The following WARS2 variants were observed in gnomAD, a reference collection of about 807,000 sequenced individuals.
The protein encoded by WARS2 is tryptophanyl tRNA synthetase 2, mitochondrial.
WARS2 carries 28 observed loss-of-function variants against 36.5 expected under a neutral mutation model. The observed-to-expected ratio is 0.77, with a 90% CI of 0.57 to 1.05. The LOEUF is 1.05. Ranked by LOEUF, WARS2 falls within the 50% of genes least tolerant of loss-of-function variation. WARS2 has a pLI of 0.00. For missense variants in WARS2, 435 were observed against 456.8 expected, an observed-to-expected ratio of 0.95 and a Z score of 0.44; for synonymous variants, 174 against 178.4, an observed-to-expected ratio of 0.98 and a Z score of 0.20.
intron 1 of WARS2, among the ~76,000 whole-genome samples, chr1:119,127,831 T>C (rs1031268758): frequency 3.9e-5 from 6 of 152,184 alleles, no homozygotes; most frequent in African/African-American, 1.4e-4. Context: ...CTTGCTCTAA[T>C]GGTCATGTTC....
At chr1:119,100,520 G>T (rs191678444) in intron 1 of WARS2, among the ~76,000 whole-genome samples, 1 of 152,214 alleles carries the variant, frequency 6.6e-6, no homozygotes, top group Non-Finnish European at 1.5e-5. Context: ...ATTCACAATA[G>T]CAAAGCTATG....
intron 1 of WARS2, among the ~76,000 whole-genome samples, chr1:119,138,569 G>A (rs938410438): frequency 6.6e-6 from 1 of 152,072 alleles, no homozygotes; most frequent in Non-Finnish European, 1.5e-5. Flanking sequence ...AGTTAAAAAT[G>A]TTTGTTCCCT....
At chr1:119,109,991 A>G (rs1361850911) in intron 1 of WARS2, among the ~76,000 whole-genome samples, 2 of 151,954 alleles carry the variant, frequency 1.3e-5, no homozygotes, top group African/African-American at 4.8e-5. Context: ...ACTGCTTCAC[A>G]GGGGGTACAA....
chr1:119,096,063 A>G (rs1188721638), intron 1 of WARS2, among the ~76,000 whole-genome samples: 1 of 152,182 alleles, frequency 6.6e-6, no homozygotes, highest in African/African-American at 2.4e-5. Flanking sequence ...TAAAATAACT[A>G]CACTCCTAGT....
chr1:119,138,223 C>G (rs1451704389), intron 1 of WARS2, among the ~76,000 whole-genome samples: 1 of 152,122 alleles, frequency 6.6e-6, no homozygotes, highest in Non-Finnish European at 1.5e-5. Context: ...TCACATATTT[C>G]TGCATCTGTT....
chr1:119,035,472 A>T (rs1353594766), intron 4 of WARS2, among the ~76,000 whole-genome samples: 1 of 152,214 alleles, frequency 6.6e-6, no homozygotes, highest in African/African-American at 2.4e-5. Context: ...AATTGATAGT[A>T]AGAGCTCAAT....
In WARS2 at chr1:119,076,593, C is replaced by T; in HGVS notation, c.105G>A (p.Lys35=). 1 of 1,614,122 alleles carries T rather than the reference C, an allele frequency of 6.2e-7. No homozygotes were observed. Among genetic ancestry groups the T allele is most frequent in the East Asian group, 2.2e-5 (1 of 44,886 alleles). ...AAPALQKDSK[K]RVFSGIQPTG... ...TAGGTTGAATGCCGGAAAATACTCG[C>T]TTCTTGCTGTCTTTCTGGAACAAAG... is the stretch of plus-strand genomic sequence containing the variant. The change falls in exon 2 of 6, where the codon AAG becomes AAA. Residue 35 remains lysine (K), a synonymous_variant. Coordinates refer to ENST00000235521, the MANE Select transcript of WARS2 (RefSeq NM_015836.4).
Position 119,032,968 on chromosome 1 carries a change from G to A in WARS2, c.1026C>T (p.Ala342=). 6.2e-7 allele frequency: 1 copy of A among 1,614,214 alleles called. No individual in the cohort carries two copies. Among genetic ancestry groups the A allele is most frequent in the East Asian group, 2.2e-5 (1 of 44,890 alleles). ...GGCACACAGTGTATGCTAATTCTTTGGCTTTTGCTGATCCAATTTGTAAAA... is the reference window on the plus strand; with the variant it reads ...GGCACACAGTGTATGCTAATTCTTTAGCTTTTGCTGATCCAATTTGTAAAA... The part of the protein sequence containing the change: ...EKVLQIGSAK[A]KELAYTVCQE... Residue 342 remains alanine, a synonymous_variant, in exon 6 of 6, where the codon GCC becomes GCT. Transcript: ENST00000235521.
chr1:119,076,261 A>G (rs1174543284), intron 2 of WARS2, 89 bp downstream of exon 2: 2 of 1,492,510 alleles, frequency 1.3e-6, no homozygotes, highest in African/African-American at 2.8e-5. Context: ...TTTAAAAATC[A>G]CGAGCAGGGG....
At chr1:119,134,205 A>G (rs1656311359) in intron 1 of WARS2, among the ~76,000 whole-genome samples, 1 of 150,550 alleles carries the variant, frequency 6.6e-6, no homozygotes, top group African/African-American at 2.4e-5. Flanking sequence ...ACATTCTTGC[A>G]TGCTGTTTGG....
chr1:119,077,334 C>G (rs1346497514), intron 1 of WARS2, among the ~76,000 whole-genome samples: 1 of 152,044 alleles, frequency 6.6e-6, no homozygotes, highest in African/African-American at 2.4e-5. Context: ...AACGAGGAAG[C>G]CTTCAGACAT....
chr1:119,114,546 C>G (rs1654847436), intron 1 of WARS2, among the ~76,000 whole-genome samples: 1 of 152,142 alleles, frequency 6.6e-6, no homozygotes, highest in Non-Finnish European at 1.5e-5. Flanking sequence ...ATAACCTGAA[C>G]AAGGTAAACA....
At chr1:119,085,339 A>C (rs1652549684) in intron 1 of WARS2, 1 of 1,334,322 alleles carries the variant, frequency 7.5e-7, no homozygotes, top group South Asian at 1.2e-5. Flanking sequence ...GCTCTCTCCT[A>C]GTTCTTGCTG....
At chr1:119,086,595 G>A (rs183901638) in intron 1 of WARS2, among the ~76,000 whole-genome samples, 30 of 152,120 alleles carry the variant, frequency 2.0e-4, no homozygotes, top group African/African-American at 7.0e-4. Flanking sequence ...AGCACAAAGG[G>A]GGCTTCTCAG....
At chr1:119,121,349 C>G (rs1655312895) in intron 1 of WARS2, among the ~76,000 whole-genome samples, 2 of 152,062 alleles carry the variant, frequency 1.3e-5, no homozygotes, top group Admixed American at 1.3e-4. Context: ...GGTGAAAGAG[C>G]TCTACAAGGA....
chr1:119,052,780 C>T (rs1027594059), intron 2 of WARS2, among the ~76,000 whole-genome samples: 3 of 152,188 alleles, frequency 2.0e-5, no homozygotes, highest in Admixed American at 1.3e-4. Context: ...GTTTCTTCCT[C>T]TTTCACATGA....
At chr1:119,137,090 A>C (rs754873674) in intron 1 of WARS2, among the ~76,000 whole-genome samples, 24 of 152,180 alleles carry the variant, frequency 1.6e-4, no homozygotes, top group Non-Finnish European at 2.6e-4. Context: ...TTGATCTTGG[A>C]CTAAGGAAAG....
intron 2 of WARS2, among the ~76,000 whole-genome samples, chr1:119,049,257 T>C (rs570632379): frequency 1.3e-5 from 2 of 152,244 alleles, no homozygotes; most frequent in Admixed American, 1.3e-4. Context: ...GAGGACAACC[T>C]GGGCCACCAA....
chr1:119,052,994 CTAAAG>C (rs1649492211), intron 2 of WARS2, among the ~76,000 whole-genome samples: 1 of 152,164 alleles, frequency 6.6e-6, no homozygotes, highest in Non-Finnish European at 1.5e-5. Flanking sequence ...TTTCCACTGG[CTAAAG>C]TAAACCACAT....
Sources: allele counts gnomAD v4.1 joint callset (sites outside exome capture counted in the v4.1 genomes callset), GRCh38; gene constraint gnomAD v4.1.1; transcripts MANE v1.5; gene names NCBI Gene and HGNC (gene_info 2026-07-23, HGNC 2026-07-21).